FSTL4: variants seen among roughly 807,000 people sequenced by gnomAD.
FSTL4 encodes follistatin-related protein 4.
A neutral mutation model predicts 78.2 loss-of-function variants in FSTL4; 28 were observed. The observed-to-expected ratio is 0.36, with a 90% CI of 0.27 to 0.49. The LOEUF (loss-of-function observed/expected upper bound fraction) is 0.49, where lower values mean the gene tolerates loss of function less well. Among genes scored for constraint, FSTL4 ranks in the 20% least tolerant of loss-of-function variants. FSTL4 has a pLI of 0.98. For synonymous variants in FSTL4, 422 were observed against 440.5 expected (o/e 0.96, Z 0.53); for missense variants, 922 against 1,084.9 (o/e 0.85, Z 2.11).
At chr5:133,366,244 G>T (rs1755178510) in intron 4 of FSTL4, among the ~76,000 whole-genome samples, 1 of 152,152 alleles carries the variant, frequency 6.6e-6, no homozygotes, top group African/African-American at 2.4e-5. Flanking sequence ...ATCTCAAAAT[G>T]CAGCTCTCAT....
chr5:133,746,054 G>A, the FSTL4 span, among the ~76,000 whole-genome samples: 69 of 152,184 alleles, frequency 4.5e-4, no homozygotes, highest in Admixed American at 2.7e-3. Flanking sequence ...TAATAAATTA[G>A]GCAAAACAAG....
At chr5:133,565,930 T>C (rs1296165860) in intron 3 of FSTL4, among the ~76,000 whole-genome samples, 1 of 152,248 alleles carries the variant, frequency 6.6e-6, no homozygotes, top group Non-Finnish European at 1.5e-5. Flanking sequence ...TGGCTATTTC[T>C]TTCCAACTTA....
intron 6 of FSTL4, among the ~76,000 whole-genome samples, chr5:133,306,381 T>C (rs1049303374): frequency 6.6e-6 from 1 of 152,220 alleles, no homozygotes; most frequent in African/African-American, 2.4e-5. Context: ...CCAGAGCACT[T>C]ACTCTGAGGA....
At chr5:133,508,741 C>T (rs1419182815) in intron 3 of FSTL4, among the ~76,000 whole-genome samples, 1 of 152,200 alleles carries the variant, frequency 6.6e-6, no homozygotes, top group Non-Finnish European at 1.5e-5. Context: ...CCTGAAACCA[C>T]ATGAGTGAGA....
the FSTL4 span, among the ~76,000 whole-genome samples, chr5:133,657,343 A>G: frequency 1.3e-5 from 2 of 152,320 alleles, no homozygotes; most frequent in African/African-American, 4.8e-5. Context: ...CTCTAAGATG[A>G]CCAGGAAAAG....
At chr5:133,393,298 G>A (rs1042573369) in intron 4 of FSTL4, among the ~76,000 whole-genome samples, 1 of 152,210 alleles carries the variant, frequency 6.6e-6, no homozygotes, top group Non-Finnish European at 1.5e-5. Context: ...AGCTCCCAAA[G>A]GATAACCCAG....
chr5:133,312,619 G>A, intron 6 of FSTL4, 35 bp downstream of exon 6: 1 of 1,609,518 alleles, frequency 6.2e-7, no homozygotes, highest in Non-Finnish European at 8.5e-7. Flanking sequence ...AGCACCTGCA[G>A]AAATAAGCCC....
intron 2 of FSTL4, chr5:133,583,229 A>T: frequency 2.2e-6 from 1 of 455,878 alleles, no homozygotes; most frequent in Non-Finnish European, 4.4e-6. Context: ...TTGGTATCAC[A>T]GTAACCAACT....
intron 6 of FSTL4, among the ~76,000 whole-genome samples, chr5:133,278,127 A>G (rs1424468715): frequency 6.6e-6 from 1 of 152,132 alleles, no homozygotes; most frequent in Non-Finnish European, 1.5e-5. Context: ...GACTGGTCTC[A>G]TGGCCTGTAC....
chr5:133,328,999 G>A (rs1051321609), intron 4 of FSTL4, among the ~76,000 whole-genome samples: 2 of 152,244 alleles, frequency 1.3e-5, no homozygotes, highest in Admixed American at 6.5e-5. Flanking sequence ...GCCTTTGAGT[G>A]GCCACTAGAC....
At chr5:133,312,569 G>C in intron 6 of FSTL4, 85 bp downstream of exon 6, 1 of 1,277,842 alleles carries the variant, frequency 7.8e-7, no homozygotes, top group Non-Finnish European at 1.1e-6. Context: ...GGAGACAACT[G>C]AGGACAGACT....
intron 4 of FSTL4, among the ~76,000 whole-genome samples, chr5:133,366,779 G>A (rs1355960139): frequency 6.6e-6 from 1 of 151,456 alleles, no homozygotes; most frequent in Admixed American, 6.6e-5. Flanking sequence ...AGCACAAGGC[G>A]GCATCCTAAT....
chr5:133,667,869 G>A, the FSTL4 span, among the ~76,000 whole-genome samples: 3 of 152,218 alleles, frequency 2.0e-5, no homozygotes, highest in East Asian at 5.8e-4. Flanking sequence ...CCACTGTGAT[G>A]TCCATGCAGA....
the FSTL4 span, among the ~76,000 whole-genome samples, chr5:133,750,598 G>A: frequency 1.3e-5 from 2 of 152,106 alleles, no homozygotes; most frequent in Admixed American, 6.5e-5. Flanking sequence ...AGAGGAGCGC[G>A]AGGGAAAACA....
chr5:133,470,948 G>A (rs1302185249), intron 3 of FSTL4, among the ~76,000 whole-genome samples: 1 of 151,942 alleles, frequency 6.6e-6, no homozygotes, highest in Non-Finnish European at 1.5e-5. Flanking sequence ...TATTGATACA[G>A]GAGGTCTCAC....
chr5:133,704,871 T>A, the FSTL4 span, among the ~76,000 whole-genome samples: 1 of 152,192 alleles, frequency 6.6e-6, no homozygotes, highest in Non-Finnish European at 1.5e-5. Flanking sequence ...TGCTCTAAGA[T>A]GCGACACCAA....
chr5:133,601,008 G>A (rs1760854433), intron 2 of FSTL4, among the ~76,000 whole-genome samples: 1 of 152,206 alleles, frequency 6.6e-6, no homozygotes, highest in Non-Finnish European at 1.5e-5. Flanking sequence ...AATAGCTACA[G>A]TTCAAATAAT....
chr5:133,627,548 A>G, the FSTL4 span, among the ~76,000 whole-genome samples: 1 of 152,168 alleles, frequency 6.6e-6, no homozygotes, highest in Non-Finnish European at 1.5e-5. Flanking sequence ...CATATCATCT[A>G]TATGATCTGC....
At chr5:133,385,051 G>A (rs1020066613) in intron 4 of FSTL4, among the ~76,000 whole-genome samples, 2 of 152,112 alleles carry the variant, frequency 1.3e-5, no homozygotes, top group Admixed American at 6.5e-5. Context: ...GACGTGCTCC[G>A]TTGTCGCGCT....
Sources: allele counts gnomAD v4.1 joint callset (sites outside exome capture counted in the v4.1 genomes callset), GRCh38; gene constraint gnomAD v4.1.1; transcripts MANE v1.5; gene names NCBI Gene and HGNC (gene_info 2026-07-23, HGNC 2026-07-21).